LRRK1: variants seen among roughly 807,000 people sequenced by gnomAD.
LRRK1 encodes the protein leucine rich repeat kinase 1.
LRRK1 carries 113 observed loss-of-function variants against 209.1 expected under a neutral mutation model. The observed-to-expected ratio is 0.54, with a 90% CI of 0.46 to 0.63. The LOEUF is 0.63. Ranked by LOEUF, LRRK1 falls within the 30% of genes least tolerant of loss-of-function variation. LRRK1 has a pLI of 0.00. For missense variants in LRRK1, 2,284 were observed against 2,632.2 expected, an observed-to-expected ratio of 0.87 and a Z score of 2.89; for synonymous variants, 1,144 against 1,099.7, an observed-to-expected ratio of 1.04 and a Z score of -0.80.
At chr15:100,931,863 T>C (rs573179383) in intron 2 of LRRK1, among the ~76,000 whole-genome samples, 2 of 152,308 alleles carry the variant, frequency 1.3e-5, no homozygotes, top group Admixed American at 1.3e-4. Flanking sequence ...AAAAAAGTTA[T>C]TTATATGGAA....
intron 6 of LRRK1, among the ~76,000 whole-genome samples, chr15:100,999,054 T>C (rs1223136186): frequency 6.6e-6 from 1 of 152,260 alleles, no homozygotes; most frequent in African/African-American, 2.4e-5. Context: ...AAGTTTTGTC[T>C]TTATTTACAA....
At chr15:101,018,596 G>T (rs1458401859) in intron 12 of LRRK1, among the ~76,000 whole-genome samples, 2 of 152,204 alleles carry the variant, frequency 1.3e-5, no homozygotes, top group Non-Finnish European at 2.9e-5. Context: ...TCAATGAGAC[G>T]CCAGTGGGGA....
chr15:100,927,949 T>C (rs752818489), intron 2 of LRRK1, among the ~76,000 whole-genome samples: 7 of 152,188 alleles, frequency 4.6e-5, no homozygotes, highest in Non-Finnish European at 8.8e-5. Flanking sequence ...TTTCGCAGAA[T>C]ATATTAATAA....
At chr15:101,067,342 C>T (rs2036588334) in intron 33 of LRRK1, 1 of 455,644 alleles carries the variant, frequency 2.2e-6, no homozygotes, top group Non-Finnish European at 4.4e-6. Context: ...AGCTGCAGCT[C>T]CCCACAGTGT....
chr15:101,012,135 T>A lies in LRRK1; in HGVS notation c.1409T>A (p.Phe470Tyr). ...NALKEVPLGLFQLDALMFLRL... is the reference protein window; with the variant it reads ...NALKEVPLGLYQLDALMFLRL... ...CTCAAAGAAGTTCCCCTGGGACTTTTCCAGCTTGATGTAAGCCTAATAGCC... is the reference window on the plus strand; with the variant it reads ...CTCAAAGAAGTTCCCCTGGGACTTTACCAGCTTGATGTAAGCCTAATAGCC... The change falls in exon 10 of 34, where the codon TTC becomes TAC. Residue 470 changes from phenylalanine (F) to tyrosine (Y), a missense_variant. Transcript: ENST00000388948. 1 of 1,608,212 alleles carries A rather than the reference T, an allele frequency of 6.2e-7. No homozygotes were observed. The highest frequency in any genetic ancestry group is 1.1e-5 in the South Asian group (1 of 89,030).
chr15:101,021,244 C>T (rs1383336528), intron 13 of LRRK1, 62 bp downstream of exon 13: 2 of 1,570,514 alleles, frequency 1.3e-6, no homozygotes, highest in Non-Finnish European at 1.7e-6. Flanking sequence ...GAACGCCCAT[C>T]CCTAAACCAA....
intron 2 of LRRK1, among the ~76,000 whole-genome samples, chr15:100,973,238 G>C (rs62021187): frequency 0.48 from 73,769 of 152,170 alleles, 19,800 homozygotes; most frequent in Middle Eastern, 0.61. Context: ...CCCACGCTCT[G>C]GTGAAGCAGC....
rs202091665 is a variant in LRRK1, at chr15:101,027,217, C to T, written c.2406-44C>T. 68 of 1,606,250 alleles carry T rather than the reference C, an allele frequency of 4.2e-5. No homozygotes were observed. The highest frequency in any genetic ancestry group is 3.2e-4 in the African/African-American group (24 of 74,864). ...AAACAGAGAAGCAGCAGCGCTTCCT[C>T]GGAGTGGGGCATGATGAGTAAAGAC... On this transcript the variant is annotated intron_variant, in intron 17 of 33. Coordinates refer to ENST00000388948, the MANE Select transcript of LRRK1 (RefSeq NM_024652.6). The surrounding 1 kb of genome is among the most constrained non-coding windows in gnomAD (Gnocchi z 5.1).
rs1272538550 is a variant in LRRK1, at chr15:101,028,969, C to T, written c.2700C>T (p.Leu900=). 1 of 1,613,896 alleles carries T rather than the reference C, an allele frequency of 6.2e-7. No homozygotes were observed. Among genetic ancestry groups the T allele is most frequent in the Non-Finnish European group, 8.5e-7 (1 of 1,179,970 alleles). Residue 900 remains leucine, a synonymous_variant, in exon 20 of 34, where the codon CTC becomes CTT. Transcript: ENST00000388948. The part of the protein sequence containing the change: ...YEDLQSAISF[L]IETGTLLHFP... The stretch of plus-strand genomic sequence containing the variant: ...TGCCTGGGGCAGCCATCAGCTTCCT[C>T]ATAGAAACCGGCACCCTGCTCCATT...
intron 27 of LRRK1, 30 bp downstream of exon 27, chr15:101,055,253 C>T: frequency 1.3e-6 from 2 of 1,521,610 alleles, no homozygotes; most frequent in Non-Finnish European, 1.8e-6. Context: ...GGCCCAGCCC[C>T]ACAGTGTAGG....
chr15:100,941,288 G>C (rs1276811252), intron 2 of LRRK1, among the ~76,000 whole-genome samples: 30 of 90,090 alleles, frequency 3.3e-4, no homozygotes, highest in Non-Finnish European at 5.0e-4. Context: ...CCGTGTGTGT[G>C]TCTGTGTGTG....
At chr15:101,043,509 C>T (rs1252699165) in intron 20 of LRRK1, among the ~76,000 whole-genome samples, 6 of 152,082 alleles carry the variant, frequency 3.9e-5, no homozygotes, top group East Asian at 3.8e-4. Context: ...ATTGTTTTAT[C>T]GCAGGTTAGA....
chr15:101,013,520 G>A (rs1297155037), intron 10 of LRRK1, among the ~76,000 whole-genome samples: 6 of 152,136 alleles, frequency 3.9e-5, no homozygotes, highest in Admixed American at 2.0e-4. Flanking sequence ...AGGCCAAAAT[G>A]GGGGGACTGC....
chr15:100,983,761 C>T, intron 4 of LRRK1, 62 bp downstream of exon 4: 2 of 1,483,464 alleles, frequency 1.3e-6, no homozygotes, highest in South Asian at 1.1e-5. Flanking sequence ...AGGCTTCACC[C>T]CAAAATGTTT....
chr15:101,001,970 G>GC (rs1567224794), intron 6 of LRRK1, among the ~76,000 whole-genome samples: 1 of 152,208 alleles, frequency 6.6e-6, no homozygotes, highest in African/African-American at 2.4e-5. Context: ...GAATCGTACA[G>GC]AGGAACACCT....
chr15:101,071,939 G>C lies in LRRK1; in HGVS notation c.*3091G>C, dbSNP rs1046094455. On this transcript the variant is annotated 3_prime_UTR_variant, in exon 34 of 34. Transcript: ENST00000388948. ...GGTGCAAGGGCCTTGCACATGCAAA[G>C]ACCCTGTTGTGGGTTCAAGCCACTG... is the stretch of plus-strand genomic sequence containing the variant. The C allele has an allele frequency of 4.6e-5, 7 of 152,258 alleles. No individual in the cohort carries two copies. The highest frequency in any genetic ancestry group is 7.2e-5 in the African/African-American group (3 of 41,454). The allele number at this position is 152,258 out of a possible 1,614,324, so 9.4% of individuals were successfully genotyped here. A position where few individuals can be genotyped will look rare whatever the true frequency, so the allele number is the denominator to read the frequency against.
chr15:101,052,935 A>G lies in LRRK1; in HGVS notation c.3703A>G (p.Asn1235Asp), dbSNP rs1376209745. Residue 1235 changes from asparagine to aspartate, a missense_variant, in exon 25 of 34, where the codon AAC (asparagine) becomes GAC (aspartate). Physicochemically the swap from Asn to Asp is conservative, Grantham distance 23 (BLOSUM62 1). Coordinates refer to ENST00000388948, the MANE Select transcript of LRRK1 (RefSeq NM_024652.6). ...TDFPARLFLE[N>D]SKLEHSEDEG... ...CGTGTGTGGCAGGCTCTTCCTGGAGAACAGCAAGCTGGAGCACAGCGAGGA... is the reference window on the plus strand; with the variant it reads ...CGTGTGTGGCAGGCTCTTCCTGGAGGACAGCAAGCTGGAGCACAGCGAGGA... 1 of 1,606,816 alleles carries G rather than the reference A, an allele frequency of 6.2e-7. No homozygotes were observed. The highest frequency in any genetic ancestry group is 1.3e-5 in the African/African-American group (1 of 74,934).
chr15:101,058,177 T>G, intron 29 of LRRK1, 36 bp downstream of exon 29: 1 of 1,607,000 alleles, frequency 6.2e-7, no homozygotes, highest in Non-Finnish European at 8.5e-7. Flanking sequence ...CCCTTTGTAT[T>G]TGGGGTGGGA....
At chr15:100,928,545 G>A (rs918458711) in intron 2 of LRRK1, among the ~76,000 whole-genome samples, 3 of 152,196 alleles carry the variant, frequency 2.0e-5, no homozygotes, top group Admixed American at 1.3e-4. Flanking sequence ...ATTATGTAGG[G>A]ACAGCTTTCT....
Sources: gnomAD v4.1 joint callset for allele counts (sites outside exome capture counted in the v4.1 genomes callset) on GRCh38, gnomAD v4.1.1 for gene constraint, Gnocchi (gnomAD v3.1) non-coding constraint, MANE v1.5 for transcripts, NCBI Gene and HGNC (gene_info 2026-07-23, HGNC 2026-07-21) for gene names.